Variants in CMTM4 observed in about 807,000 individuals in gnomAD.
CMTM4 encodes the protein CKLF like MARVEL transmembrane domain containing 4, also known as CKLF-like MARVEL transmembrane domain-containing protein 4.
In CMTM4, 8 loss-of-function variants were observed where a neutral mutation model predicts 19.0. That is an observed-to-expected ratio of 0.42 (90% CI 0.25 to 0.76). The LOEUF (loss-of-function observed/expected upper bound fraction) is 0.76. Ranked by LOEUF, CMTM4 falls within the 30% of genes least tolerant of loss-of-function variation. The pLI is 0.27. For missense variants in CMTM4, 228 were observed against 290.2 expected, an observed-to-expected ratio of 0.79 and a Z score of 1.56; for synonymous variants, 106 against 121.1, an observed-to-expected ratio of 0.88 and a Z score of 0.82.
At chr16:66,633,646 C>T (rs1328303200) in intron 2 of CMTM4, among the ~76,000 whole-genome samples, 2 of 151,954 alleles carry the variant, frequency 1.3e-5, no homozygotes, top group Non-Finnish European at 2.9e-5. Flanking sequence ...GGCGAAACCT[C>T]GTCTCTATTA....
chr16:66,692,906 CA>C (rs200187109), intron 1 of CMTM4, among the ~76,000 whole-genome samples: 4,793 of 113,914 alleles, frequency 0.042, 424 homozygotes, highest in East Asian at 0.41. Context: ...GACTCCATCT[CA>C]AAAAAAAAAA....
downstream of CMTM4, chr16:66,612,845 G>A: frequency 3.3e-6 from 2 of 612,830 alleles, no homozygotes; most frequent in Non-Finnish European, 5.8e-6. This position sits in a 1 kb window ranked among gnomAD's most constrained non-coding sequence, Gnocchi z 6.0. Context: ...CGCTGCGTAT[G>A]AGGGCATCTT....
chr16:66,608,333 T>C, the CMTM4 span: 1 of 1,614,214 alleles, frequency 6.2e-7, no homozygotes, highest in Non-Finnish European at 8.5e-7. This position sits in a 1 kb window ranked among gnomAD's most constrained non-coding sequence, Gnocchi z 5.1. Flanking sequence ...CACTTTTATC[T>C]GCTATGTGGC....
At chr16:66,613,432 G>A, downstream of CMTM4, 1 of 363,652 alleles carries the variant, frequency 2.7e-6, no homozygotes, top group Non-Finnish European at 5.1e-6. Context: ...CAGCCAGCAG[G>A]CAGGAGTTCC....
At chr16:66,624,988 G>A (rs1176753122) in intron 2 of CMTM4, among the ~76,000 whole-genome samples, 1 of 151,958 alleles carries the variant, frequency 6.6e-6, no homozygotes, top group East Asian at 1.9e-4. Flanking sequence ...GTAAGATGCT[G>A]TAGGGGTAAA....
chr16:66,646,108 G>A (rs548464704), intron 1 of CMTM4, among the ~76,000 whole-genome samples: 1 of 152,162 alleles, frequency 6.6e-6, no homozygotes, highest in East Asian at 1.9e-4. Context: ...GGGTCCAAGG[G>A]ATACTTAGAG....
intron 1 of CMTM4, among the ~76,000 whole-genome samples, chr16:66,688,175 T>C (rs1339668349): frequency 1.3e-5 from 2 of 151,980 alleles, no homozygotes; most frequent in African/African-American, 2.4e-5. Context: ...AGGGCACTAA[T>C]CCCATTCATG....
chr16:66,620,335 G>A lies in CMTM4; in HGVS notation c.*1723C>T. The A allele has an allele frequency of 1.0e-6, 1 of 985,470 alleles. No individual in the cohort carries two copies. The highest frequency in any genetic ancestry group is 1.1e-4 in the East Asian group (1 of 8,818). The allele number at this position is 985,470 out of a possible 1,614,324, so 61.0% of individuals were successfully genotyped here. A position where few individuals can be genotyped will look rare whatever the true frequency, so the allele number is the denominator to read the frequency against. On this transcript the variant is annotated 3_prime_UTR_variant, in exon 4 of 4. Coordinates refer to ENST00000394106, the MANE Select transcript of CMTM4 (RefSeq NM_181521.3). ...TGGCTGCCCTCTCTGTGGGAGCAGAGGGGAGACGAGTTGTTAACAGGCTAG... is the reference window on the plus strand; with the variant it reads ...TGGCTGCCCTCTCTGTGGGAGCAGAAGGGAGACGAGTTGTTAACAGGCTAG...
intron 1 of CMTM4, among the ~76,000 whole-genome samples, chr16:66,649,683 G>A (rs2016275497): frequency 6.6e-6 from 1 of 152,062 alleles, no homozygotes; most frequent in African/African-American, 2.4e-5. Flanking sequence ...CCTCAGCCTT[G>A]CACTGGGTTC....
At chr16:66,605,749 G>A in the CMTM4 span, among the ~76,000 whole-genome samples, 1 of 152,220 alleles carries the variant, frequency 6.6e-6, no homozygotes, top group Non-Finnish European at 1.5e-5. The surrounding 1 kb of genome is among the most constrained non-coding windows in gnomAD (Gnocchi z 4.6). Context: ...GATTTGACAG[G>A]TGGCTCAACT....
chr16:66,602,783 G>A, the CMTM4 span, among the ~76,000 whole-genome samples: 4 of 152,204 alleles, frequency 2.6e-5, no homozygotes, highest in African/African-American at 9.6e-5. Context: ...CTGACCTCAG[G>A]TGATCTGCCT....
intron 2 of CMTM4, among the ~76,000 whole-genome samples, chr16:66,623,735 C>T (rs905300898): frequency 2.0e-5 from 3 of 152,212 alleles, no homozygotes; most frequent in Admixed American, 6.5e-5. Flanking sequence ...AACCCCACTA[C>T]CCTTTCTGAA....
At chr16:66,641,947 C>A (rs2016103809) in intron 1 of CMTM4, among the ~76,000 whole-genome samples, 1 of 152,130 alleles carries the variant, frequency 6.6e-6, no homozygotes, top group South Asian at 2.1e-4. Flanking sequence ...TACATGTATT[C>A]ATATGTAATT....
At chr16:66,645,227 T>C (rs1041983595) in intron 1 of CMTM4, among the ~76,000 whole-genome samples, 1 of 151,732 alleles carries the variant, frequency 6.6e-6, no homozygotes, top group African/African-American at 2.4e-5. Context: ...GAGGTTGCAG[T>C]GAACTGAGAT....
At chr16:66,643,403 C>A (rs769493379) in intron 1 of CMTM4, among the ~76,000 whole-genome samples, 3 of 152,142 alleles carry the variant, frequency 2.0e-5, no homozygotes, top group Non-Finnish European at 4.4e-5. Context: ...TGGAACAGAC[C>A]CCAAACTTCA....
At position 66,619,163 on chromosome 16, in the gene CMTM4, G is replaced by C; in HGVS notation, c.*2895C>G. On this transcript the variant is annotated 3_prime_UTR_variant, in exon 4 of 4. Transcript: ENST00000394106. ...GACTGTAATCCCTCTTTAAGGCAGG[G>C]AAAACATATTTCCCTCCCATGCCTT... 1 of 985,440 alleles carries C rather than the reference G, an allele frequency of 1.0e-6. No homozygotes were observed. Among genetic ancestry groups the C allele is most frequent in the East Asian group, 1.1e-4 (1 of 8,818 alleles). 61.0% of individuals were successfully genotyped at this position (985,440 alleles called of 1,614,324 possible).
At chr16:66,652,071 C>G (rs1007274138) in intron 1 of CMTM4, among the ~76,000 whole-genome samples, 1 of 152,158 alleles carries the variant, frequency 6.6e-6, no homozygotes, top group African/African-American at 2.4e-5. Flanking sequence ...GGAGCTAAAG[C>G]CACCTGGGCT....
chr16:66,655,180 C>T (rs1044985809), intron 1 of CMTM4, among the ~76,000 whole-genome samples: 11 of 152,192 alleles, frequency 7.2e-5, no homozygotes, highest in East Asian at 3.9e-4. Flanking sequence ...GACAGGATTT[C>T]GCCATGTTGC....
intron 1 of CMTM4, among the ~76,000 whole-genome samples, chr16:66,676,134 C>T (rs1356666711): frequency 1.3e-5 from 2 of 152,200 alleles, no homozygotes; most frequent in African/African-American, 4.8e-5. Context: ...TTATATCCAA[C>T]ACCAGGATTT....
Sources: gnomAD v4.1 joint callset for allele counts (sites outside exome capture counted in the v4.1 genomes callset) on GRCh38, gnomAD v4.1.1 for gene constraint, Gnocchi (gnomAD v3.1) non-coding constraint, MANE v1.5 for transcripts, NCBI Gene and HGNC (gene_info 2026-07-23, HGNC 2026-07-21) for gene names.